Variants in EPHB2 observed in about 807,000 individuals in gnomAD.
The protein encoded by EPHB2 is EPH receptor B2, also known as ephrin type-B receptor 2.
Under a neutral mutation model 96.4 loss-of-function variants are expected in EPHB2, and 18 were observed. The ratio of observed to expected loss-of-function variants is 0.19; its 90% CI spans 0.13 to 0.28. The LOEUF (loss-of-function observed/expected upper bound fraction) is 0.28. EPHB2 is among the 10% of genes least tolerant of loss of function. The probability of loss-of-function intolerance (pLI) is 1.00; values close to 1 mark genes in which losing one functional copy is unlikely to be tolerated. For missense variants in EPHB2, 989 were observed against 1,355.4 expected, an observed-to-expected ratio of 0.73 and a Z score of 4.25; for synonymous variants, 506 against 534.1, an observed-to-expected ratio of 0.95 and a Z score of 0.72.
intron 5 of EPHB2, among the ~76,000 whole-genome samples, chr1:22,865,594 C>T (rs1638446094): frequency 6.6e-6 from 1 of 152,166 alleles, no homozygotes; most frequent in Non-Finnish European, 1.5e-5. Context: ...CGTGTCATTT[C>T]CCCACGTCCC....
chr1:22,912,293 C>G (rs1640128240), intron 14 of EPHB2, 151 bp from the exon 15 acceptor site: 1 of 1,119,010 alleles, frequency 8.9e-7, no homozygotes, highest in African/African-American at 1.5e-5. Context: ...CGCAATCATG[C>G]AGAAATACTC....
chr1:22,783,735 G>T (rs907057920), intron 2 of EPHB2, among the ~76,000 whole-genome samples: 1 of 152,310 alleles, frequency 6.6e-6, no homozygotes, highest in East Asian at 1.9e-4. Flanking sequence ...TGCTGGGTTT[G>T]TGAGAGCCCA....
intron 3 of EPHB2, among the ~76,000 whole-genome samples, chr1:22,832,058 A>G (rs1645312175): frequency 6.6e-6 from 1 of 152,214 alleles, no homozygotes; most frequent in Admixed American, 6.5e-5. Flanking sequence ...GCAGTCCAGG[A>G]GGACCTTCGA....
At chr1:22,768,683 C>T (rs1210062339) in intron 1 of EPHB2, among the ~76,000 whole-genome samples, 1 of 150,556 alleles carries the variant, frequency 6.6e-6, no homozygotes, top group Admixed American at 6.6e-5. Flanking sequence ...GAGAGAGATC[C>T]TGTCTCCATT....
At position 22,917,813 on chromosome 1, in the gene EPHB2, C is replaced by G. The variant is rs748504242; in HGVS notation, c.*4243C>G. On this transcript the variant is annotated 3_prime_UTR_variant, in exon 16 of 16. Transcript: ENST00000374630. ...GATGAGAAACAGTTGGTGTCTGATG[C>G]TGGCCAATAAGAGAAAAGAAAGCTC... 1 of 152,198 alleles carries G rather than the reference C, an allele frequency of 6.6e-6. No homozygotes were observed. Among genetic ancestry groups the G allele is most frequent in the African/African-American group, 2.4e-5 (1 of 41,400 alleles). The allele number at this position is 152,198 out of a possible 1,614,324, so 9.4% of individuals were successfully genotyped here.
chr1:22,809,487 G>A (rs1440578), intron 3 of EPHB2, among the ~76,000 whole-genome samples: 8,663 of 152,128 alleles, frequency 0.057, 817 homozygotes, highest in African/African-American at 0.2. Flanking sequence ...TATACATAAC[G>A]TATATGTTAT....
intron 3 of EPHB2, among the ~76,000 whole-genome samples, chr1:22,838,407 A>G (rs1432090341): frequency 6.6e-6 from 1 of 152,264 alleles, no homozygotes; most frequent in Non-Finnish European, 1.5e-5. Context: ...AGGGAATAGT[A>G]TAGGCATTAA....
intron 1 of EPHB2, among the ~76,000 whole-genome samples, chr1:22,735,053 G>T (rs974736497): frequency 6.6e-5 from 10 of 152,154 alleles, no homozygotes; most frequent in African/African-American, 1.9e-4. Context: ...GCACAGCAGG[G>T]CTATGAACCT....
intron 5 of EPHB2, among the ~76,000 whole-genome samples, chr1:22,865,742 G>A (rs969237603): frequency 1.3e-5 from 2 of 152,106 alleles, no homozygotes; most frequent in African/African-American, 4.8e-5. Flanking sequence ...CACGGGCAGG[G>A]CCTCAGTCAC....
intron 3 of EPHB2, among the ~76,000 whole-genome samples, chr1:22,824,014 T>C (rs1284939296): frequency 6.6e-6 from 1 of 152,102 alleles, no homozygotes; most frequent in Non-Finnish European, 1.5e-5. Context: ...CCTAGGAAGA[T>C]AGGTTGATGG....
intron 1 of EPHB2, among the ~76,000 whole-genome samples, chr1:22,730,919 A>G (rs977450965): frequency 6.6e-6 from 1 of 152,122 alleles, no homozygotes; most frequent in Non-Finnish European, 1.5e-5. Flanking sequence ...AGGAAGAACC[A>G]TCACAGAGTC....
At chr1:22,886,260 C>T (rs1182423119) in intron 6 of EPHB2, among the ~76,000 whole-genome samples, 1 of 152,162 alleles carries the variant, frequency 6.6e-6, no homozygotes, top group Non-Finnish European at 1.5e-5. Context: ...GGTGCAAAGG[C>T]CCTAGGGCAG....
intron 1 of EPHB2, among the ~76,000 whole-genome samples, chr1:22,778,777 C>A (rs1644488058): frequency 6.6e-6 from 1 of 152,188 alleles, no homozygotes; most frequent in Admixed American, 6.5e-5. Context: ...ACAGTGGGGC[C>A]CCCCACCCTA....
chr1:22,727,575 G>C (rs984368975), intron 1 of EPHB2, among the ~76,000 whole-genome samples: 5 of 152,126 alleles, frequency 3.3e-5, no homozygotes, highest in African/African-American at 1.2e-4. Flanking sequence ...TGGACATATG[G>C]GGAAGCTGAG....
chr1:22,806,459 A>G (rs1422706949), intron 3 of EPHB2, among the ~76,000 whole-genome samples: 2 of 150,994 alleles, frequency 1.3e-5, no homozygotes, highest in Non-Finnish European at 3.0e-5. Context: ...TGCTGAGTCA[A>G]TGAGTGGATG....
At chr1:22,720,760 A>G (rs1643444726) in intron 1 of EPHB2, among the ~76,000 whole-genome samples, 1 of 148,900 alleles carries the variant, frequency 6.7e-6, no homozygotes, top group Non-Finnish European at 1.5e-5. Context: ...TGTACAGCAC[A>G]AGGCTTGGCT....
chr1:22,891,665 G>T (rs1202564029), intron 6 of EPHB2, among the ~76,000 whole-genome samples: 1 of 152,166 alleles, frequency 6.6e-6, no homozygotes, highest in African/African-American at 2.4e-5. Flanking sequence ...GATCGCCCTG[G>T]GTAACATTCA....
intron 3 of EPHB2, among the ~76,000 whole-genome samples, chr1:22,810,866 AC>A (rs1480356449): frequency 5.3e-5 from 8 of 152,034 alleles, no homozygotes; most frequent in South Asian, 2.1e-4. Flanking sequence ...ACTTTCAGGC[AC>A]CCTAACACAC....
chr1:22,742,218 A>G (rs977385989), intron 1 of EPHB2, among the ~76,000 whole-genome samples: 5 of 152,196 alleles, frequency 3.3e-5, no homozygotes, highest in African/African-American at 1.2e-4. Flanking sequence ...GACAAGCCAT[A>G]GGGTCCCTGA....
Sources: gnomAD v4.1 joint callset for allele counts (sites outside exome capture counted in the v4.1 genomes callset) on GRCh38, gnomAD v4.1.1 for gene constraint, MANE v1.5 for transcripts, NCBI Gene and HGNC (gene_info 2026-07-23, HGNC 2026-07-21) for gene names.